Variants in KCNJ12 observed in about 807,000 individuals in gnomAD.
KCNJ12 encodes the protein ATP-sensitive inward rectifier potassium channel 12.
Under a neutral mutation model 22.3 loss-of-function variants are expected in KCNJ12, and 2 were observed. The ratio of observed to expected loss-of-function variants is 0.09; its 90% confidence interval spans 0.04 to 0.28. The LOEUF is 0.28. Among genes scored for constraint, KCNJ12 ranks in the 10% least tolerant of loss-of-function variants. The probability of loss-of-function intolerance (pLI) is 1.00; values close to 1 mark genes in which losing one functional copy is unlikely to be tolerated. For missense variants in KCNJ12, 155 were observed against 633.3 expected (o/e 0.24, Z 8.11); for synonymous variants, 117 against 261.4 (o/e 0.45, Z 5.33).
At chr17:21,395,665 G>A (rs1555559850) in intron 1 of KCNJ12, among the ~76,000 whole-genome samples, 1 of 151,160 alleles carries the variant, frequency 6.6e-6, no homozygotes, top group Non-Finnish European at 1.5e-5. Context: ...ATTTCTCTAT[G>A]CCAAGCATGG....
chr17:21,382,137 A>G (rs1904890202), intron 1 of KCNJ12, among the ~76,000 whole-genome samples: 1 of 151,946 alleles, frequency 6.6e-6, no homozygotes, highest in Admixed American at 6.6e-5. Flanking sequence ...TCAGGCCCCT[A>G]CTCTGGGTGG....
At chr17:21,384,014 C>A (rs988778595) in intron 1 of KCNJ12, among the ~76,000 whole-genome samples, 2 of 152,184 alleles carry the variant, frequency 1.3e-5, no homozygotes, top group African/African-American at 2.4e-5. Flanking sequence ...GCCTCCCCCA[C>A]CCCCAGAGTT....
At chr17:21,395,606 G>GA (rs1191680959) in intron 1 of KCNJ12, among the ~76,000 whole-genome samples, 1 of 116,660 alleles carries the variant, frequency 8.6e-6, no homozygotes, top group Non-Finnish European at 1.8e-5. Flanking sequence ...AAAGAAAAAA[G>GA]AAAAAAAGGA....
At chr17:21,390,932 C>A in intron 1 of KCNJ12, among the ~76,000 whole-genome samples, 1 of 152,236 alleles carries the variant, frequency 6.6e-6, no homozygotes, top group East Asian at 1.9e-4. Context: ...TTCCACCATG[C>A]AGAAAGGAAG....
intron 2 of KCNJ12, among the ~76,000 whole-genome samples, chr17:21,411,807 C>T (rs1906364405): frequency 6.6e-6 from 1 of 152,312 alleles, no homozygotes; most frequent in Non-Finnish European, 1.5e-5. Flanking sequence ...GGATATTGTC[C>T]TATATTTCTT....
At position 21,395,422 on chromosome 17, in the gene KCNJ12, T is replaced by A. The variant is rs142131316; in HGVS notation, c.-178-13097T>A. Reference sequence around the variant, plus strand: ...GCAACCTGGCTGACATGGCAAAACCTCGTCTCTACTAAAAATACAAAAATT... The same window carrying A: ...GCAACCTGGCTGACATGGCAAAACCACGTCTCTACTAAAAATACAAAAATT... On this transcript the variant is annotated intron_variant, in intron 1 of 2. Coordinates refer to ENST00000583088, the MANE Select transcript of KCNJ12 (RefSeq NM_021012.5). 1.0e-3 allele frequency among the ~76,000 whole-genome samples: 151 copies of A among 149,720 alleles called. 3 individuals are homozygous for A. In the East Asian group the frequency reaches 0.023, roughly 23 times the overall value.
At chr17:21,397,384 G>A (rs1905403427) in intron 1 of KCNJ12, among the ~76,000 whole-genome samples, 1 of 152,210 alleles carries the variant, frequency 6.6e-6, no homozygotes, top group African/African-American at 2.4e-5. Context: ...GCCGTGTGGG[G>A]CTTCAGCGCC....
At chr17:21,391,112 G>A (rs1281609975) in intron 1 of KCNJ12, among the ~76,000 whole-genome samples, 1 of 152,172 alleles carries the variant, frequency 6.6e-6, no homozygotes, top group African/African-American at 2.4e-5. Context: ...CTCCAGGCTC[G>A]GCCCTGGTGT....
intron 2 of KCNJ12, among the ~76,000 whole-genome samples, chr17:21,413,742 G>A (rs1657734): frequency 2.5e-3 from 387 of 151,792 alleles, no homozygotes; most frequent in African/African-American, 8.5e-3. Context: ...GGGTGGGCAC[G>A]TCAGTGGCTG....
At chr17:21,377,584 C>A (rs1395120359) in intron 1 of KCNJ12, among the ~76,000 whole-genome samples, 1 of 152,060 alleles carries the variant, frequency 6.6e-6, no homozygotes, top group African/African-American at 2.4e-5. Context: ...AGGGTCCACC[C>A]TGCGCGCGCA....
In KCNJ12 at chr17:21,417,164, T is replaced by A. The variant is rs1193703753; in HGVS notation, c.*520T>A. ...AAGAACAATTAGAATTCCATGGGTC[T>A]GCCAGGATGCAGCAGCTGGCTGAAG... On this transcript the variant is annotated 3_prime_UTR_variant, in exon 3 of 3. Transcript: ENST00000583088. 1.2e-5 allele frequency: 2 copies of A among 169,998 alleles called. No homozygotes were observed. The highest frequency in any genetic ancestry group is 3.8e-4 in the East Asian group (2 of 5,260). The allele number at this position is 169,998 out of a possible 1,614,324, so 10.5% of individuals were successfully genotyped here.
At chr17:21,409,931 G>A (rs1906222422) in intron 2 of KCNJ12, among the ~76,000 whole-genome samples, 1 of 152,210 alleles carries the variant, frequency 6.6e-6, no homozygotes, top group South Asian at 2.1e-4. Context: ...GGTCAGCTGA[G>A]TCTCTGGTGG....
chr17:21,412,509 C>A (rs1166105925), intron 2 of KCNJ12, among the ~76,000 whole-genome samples: 1 of 152,308 alleles, frequency 6.6e-6, no homozygotes, highest in African/African-American at 2.4e-5. Context: ...CTGGGCCACA[C>A]AAATCCAGCC....
At chr17:21,388,651 A>G (rs781858750) in intron 1 of KCNJ12, among the ~76,000 whole-genome samples, 35 of 152,202 alleles carry the variant, frequency 2.3e-4, no homozygotes, top group East Asian at 1.9e-4. Context: ...TTGGCACCCC[A>G]AAACAATAAT....
At chr17:21,415,256 C>T (rs1199703278) in intron 2 of KCNJ12, 31 bp from the exon 3 acceptor site, 2 of 1,538,754 alleles carry the variant, frequency 1.3e-6, no homozygotes, top group African/African-American at 1.4e-5. Flanking sequence ...AGCCACCAGC[C>T]CAGCCAGACA....
chr17:21,409,076 T>C (rs1262271579), intron 2 of KCNJ12, among the ~76,000 whole-genome samples: 4 of 152,312 alleles, frequency 2.6e-5, no homozygotes, highest in Admixed American at 2.0e-4. Context: ...GGAGCGCATT[T>C]CCTGGGTGCC....
At chr17:21,386,460 G>A (rs1414591530) in intron 1 of KCNJ12, among the ~76,000 whole-genome samples, 1 of 152,098 alleles carries the variant, frequency 6.6e-6, no homozygotes, top group Non-Finnish European at 1.5e-5. Flanking sequence ...GACTACAGAT[G>A]TGCACCACTA....
At chr17:21,383,014 A>T (rs9916141) in intron 1 of KCNJ12, among the ~76,000 whole-genome samples, 5 of 151,870 alleles carry the variant, frequency 3.3e-5, no homozygotes, top group Admixed American at 1.3e-4. Flanking sequence ...CGCAGCCTTG[A>T]GGCCACAGAC....
At chr17:21,395,308 A>C (rs1317367990) in intron 1 of KCNJ12, among the ~76,000 whole-genome samples, 4 of 151,156 alleles carry the variant, frequency 2.6e-5, no homozygotes, top group Non-Finnish European at 5.9e-5. Context: ...AAAAAAAAAA[A>C]AAAAAACGGC....
Sources: gnomAD v4.1 joint callset for allele counts (sites outside exome capture counted in the v4.1 genomes callset) on GRCh38, gnomAD v4.1.1 for gene constraint, MANE v1.5 for transcripts, NCBI Gene and HGNC (gene_info 2026-07-23, HGNC 2026-07-21) for gene names.